TSPAN9: variants seen among roughly 807,000 people sequenced by gnomAD.
TSPAN9 encodes tetraspanin-9.
A neutral mutation model predicts 31.0 loss-of-function variants in TSPAN9; 16 were observed. That is an observed-to-expected ratio of 0.52 (90% confidence interval 0.35 to 0.78). The LOEUF is 0.78. TSPAN9 is among the 30% of genes least tolerant of loss of function. The pLI, the probability that TSPAN9 is intolerant of heterozygous loss-of-function variation, is 0.01. For missense variants in TSPAN9, 272 were observed against 312.5 expected (o/e 0.87, Z 0.98); for synonymous variants, 145 against 121.6 (o/e 1.19, Z -1.27).
intron 2 of TSPAN9, among the ~76,000 whole-genome samples, chr12:3,096,054 C>T (rs958037543): frequency 6.6e-6 from 1 of 151,834 alleles, no homozygotes; most frequent in Admixed American, 6.5e-5. Flanking sequence ...GGGCGGCGCT[C>T]CCGGCGCGGC....
intron 3 of TSPAN9, among the ~76,000 whole-genome samples, chr12:3,226,464 T>C (rs974449477): frequency 6.6e-6 from 1 of 151,600 alleles, no homozygotes; most frequent in African/African-American, 2.4e-5. Flanking sequence ...GTAATCTTTT[T>C]TCCCTCCTTC....
rs1023923311 is a variant in TSPAN9, at chr12:3,245,232, G to A, written c.64-33189G>A. Among the ~76,000 whole-genome samples, 66 of 152,298 alleles carry A rather than the reference G, an allele frequency of 4.3e-4. 1 individual carries two copies. The highest frequency in any genetic ancestry group is 1.6e-3 in the African/African-American group (65 of 41,566). ...GTGCCTGGACCAAAGCACGTTTCTT[G>A]CACCTGCCAGCCGGTGGAGCAGCCC... On this transcript the variant is annotated intron_variant, in intron 3 of 8. Coordinates refer to ENST00000011898, the MANE Select transcript of TSPAN9 (RefSeq NM_006675.5).
chr12:3,211,654 A>G (rs1406661802), intron 3 of TSPAN9: 1 of 1,404,674 alleles, frequency 7.1e-7, no homozygotes, highest in Non-Finnish European at 9.9e-7. Flanking sequence ...ATCTTGACTC[A>G]GAGTGCTTTT....
intron 3 of TSPAN9, among the ~76,000 whole-genome samples, chr12:3,247,580 G>C (rs1268134325): frequency 2.0e-5 from 3 of 152,180 alleles, no homozygotes. Context: ...AGTACCCGTA[G>C]GGAGTACCCA....
intron 2 of TSPAN9, among the ~76,000 whole-genome samples, chr12:3,154,008 A>ATGTGTGTG (rs1217236640): frequency 5.5e-4 from 31 of 56,280 alleles, no homozygotes; most frequent in African/African-American, 1.5e-3. Context: ...TATTATATAT[A>ATGTGTGTG]TATGTGTGTG....
intron 2 of TSPAN9, among the ~76,000 whole-genome samples, chr12:3,130,013 C>T (rs1047991259): frequency 2.0e-5 from 3 of 152,222 alleles, no homozygotes; most frequent in Admixed American, 6.5e-5. Flanking sequence ...CTCTTTCTTG[C>T]GTGGATCACC....
intron 2 of TSPAN9, among the ~76,000 whole-genome samples, chr12:3,115,042 A>G (rs2098321497): frequency 6.6e-6 from 1 of 151,882 alleles, no homozygotes; most frequent in African/African-American, 2.4e-5. Context: ...CCCCAAAAGA[A>G]ACTCCATTAG....
chr12:3,091,394 C>T (rs1253024868), intron 2 of TSPAN9, among the ~76,000 whole-genome samples: 1 of 152,192 alleles, frequency 6.6e-6, no homozygotes, highest in South Asian at 2.1e-4. Context: ...GCCTTAGTGG[C>T]TGTTCCCTTC....
chr12:3,087,469 G>T (rs1338895005), intron 2 of TSPAN9, among the ~76,000 whole-genome samples: 1 of 152,084 alleles, frequency 6.6e-6, no homozygotes, highest in South Asian at 2.1e-4. Context: ...AGCCATGATC[G>T]TACCACTGCA....
intron 2 of TSPAN9, among the ~76,000 whole-genome samples, chr12:3,167,280 G>GA (rs1264362996): frequency 6.6e-6 from 1 of 152,218 alleles, no homozygotes; most frequent in East Asian, 1.9e-4. Flanking sequence ...GGCCAGTGAA[G>GA]ATGAGCAGTA....
rs533753373 is a variant in TSPAN9, at chr12:3,079,945, A to ATTTT, written c.-85+2505_-85+2508dup. Among the ~76,000 whole-genome samples, 246 of 140,370 alleles carry ATTTT rather than the reference A, an allele frequency of 1.8e-3. 1 individual carries two copies. Among genetic ancestry groups the ATTTT allele is most frequent in the South Asian group, 0.01 (44 of 4,306 alleles). 92.1% of individuals were successfully genotyped at this position (140,370 alleles called of 152,430 possible). A position where few individuals can be genotyped will look rare whatever the true frequency, so the allele number is the denominator to read the frequency against. ...GCCCCATGCTCAGATAATTAAAAAA[A>ATTTT]TTTTTTTTTTTTTTTTGGTAGAGAC... On this transcript the variant is annotated intron_variant, in intron 1 of 8. Coordinates refer to ENST00000011898, the MANE Select transcript of TSPAN9 (RefSeq NM_006675.5).
intron 3 of TSPAN9, among the ~76,000 whole-genome samples, chr12:3,229,289 G>T (rs1358237340): frequency 6.6e-6 from 1 of 152,202 alleles, no homozygotes; most frequent in African/African-American, 2.4e-5. Context: ...GCAGCAAATA[G>T]AATCAAGAAG....
intron 3 of TSPAN9, among the ~76,000 whole-genome samples, chr12:3,248,470 G>A (rs1862181588): frequency 6.6e-6 from 1 of 151,990 alleles, no homozygotes; most frequent in Non-Finnish European, 1.5e-5. Flanking sequence ...CTGATCTCCT[G>A]CCCTCTCTTG....
chr12:3,139,622 G>A (rs2098333806), intron 2 of TSPAN9, among the ~76,000 whole-genome samples: 1 of 152,168 alleles, frequency 6.6e-6, no homozygotes, highest in Non-Finnish European at 1.5e-5. Flanking sequence ...AGGCTGGGGT[G>A]CAGTGGTGTG....
At chr12:3,124,416 A>G (rs1250185523) in intron 2 of TSPAN9, among the ~76,000 whole-genome samples, 2 of 152,164 alleles carry the variant, frequency 1.3e-5, no homozygotes, top group South Asian at 2.1e-4. Context: ...AAAATTAGTT[A>G]TATAAATTTT....
intron 2 of TSPAN9, among the ~76,000 whole-genome samples, chr12:3,199,823 C>T (rs778346017): frequency 6.8e-4 from 104 of 152,330 alleles, no homozygotes; most frequent in African/African-American, 2.4e-3. Context: ...GGTCCCTTCT[C>T]CCTGTGCGCC....
chr12:3,178,625 G>A (rs542631459), intron 2 of TSPAN9, among the ~76,000 whole-genome samples: 20 of 152,162 alleles, frequency 1.3e-4, no homozygotes, highest in Non-Finnish European at 2.1e-4. Context: ...TGCTTATCCC[G>A]GTGCCTGACG....
intron 2 of TSPAN9, among the ~76,000 whole-genome samples, chr12:3,086,638 G>C (rs1369944207): frequency 6.6e-6 from 1 of 152,198 alleles, no homozygotes; most frequent in Non-Finnish European, 1.5e-5. Flanking sequence ...AGGCTTTGCT[G>C]TTATTGCAGG....
intron 3 of TSPAN9, among the ~76,000 whole-genome samples, chr12:3,228,070 C>T (rs1026699681): frequency 7.2e-5 from 11 of 152,090 alleles, no homozygotes; most frequent in Non-Finnish European, 1.2e-4. Flanking sequence ...AATCCTTGGC[C>T]GGATGTGGGG....
Sources: gnomAD v4.1 joint callset for allele counts (sites outside exome capture counted in the v4.1 genomes callset) on GRCh38, gnomAD v4.1.1 for gene constraint, MANE v1.5 for transcripts, NCBI Gene and HGNC (gene_info 2026-07-23, HGNC 2026-07-21) for gene names.